Variants in ABCA13 observed in about 807,000 individuals in gnomAD.
ABCA13 encodes the protein ATP-binding cassette sub-family A member 13.
ABCA13 carries 476 observed loss-of-function variants against 478.7 expected under a neutral mutation model. That is an observed-to-expected ratio of 0.99 (90% CI 0.92 to 1.07). The LOEUF is 1.07. Ranked by LOEUF, ABCA13 falls within the 50% of genes least tolerant of loss-of-function variation. ABCA13 has a pLI of 0.00. For missense variants in ABCA13, 6,060 were observed against 5,910.6 expected, an observed-to-expected ratio of 1.03 and a Z score of -0.83; for synonymous variants, 2,252 against 2,158.9, an observed-to-expected ratio of 1.04 and a Z score of -1.20.
chr7:48,187,843 T>G (rs1275932248), intron 1 of ABCA13, among the ~76,000 whole-genome samples: 1 of 152,200 alleles, frequency 6.6e-6, no homozygotes, highest in Non-Finnish European at 1.5e-5. Flanking sequence ...AAGAAATTCT[T>G]CATTTTATTT....
intron 2 of ABCA13, among the ~76,000 whole-genome samples, chr7:48,197,773 T>C (rs1798135302): frequency 6.6e-6 from 1 of 152,224 alleles, no homozygotes; most frequent in Non-Finnish European, 1.5e-5. Context: ...TTATACAATA[T>C]TTAACAACTA....
intron 3 of ABCA13, among the ~76,000 whole-genome samples, chr7:48,218,501 A>G (rs1013508451): frequency 6.6e-6 from 1 of 152,212 alleles, no homozygotes; most frequent in African/African-American, 2.4e-5. Context: ...TGGGCGATAT[A>G]GCAAGATCCT....
rs1563482109 is a variant in ABCA13 at position 48,594,698 on chromosome 7, C to T, written c.14641-12C>T. On this transcript the variant is annotated splice_polypyrimidine_tract_variant and intron_variant, in intron 57 of 61. Coordinates refer to ENST00000435803, the MANE Select transcript of ABCA13 (RefSeq NM_152701.5). ...TTCAAATGCTGATTACTCTGTGTTG[C>T]CTTTCCTTCAGGATGAGCCCAGCTC... 2 of 1,610,924 alleles carry T rather than the reference C, an allele frequency of 1.2e-6. No individual in the cohort carries two copies. The highest frequency in any genetic ancestry group is 2.2e-5 in the East Asian group (1 of 44,850).
At chr7:48,508,713 T>G (rs12667982) in intron 50 of ABCA13, among the ~76,000 whole-genome samples, 6 of 152,058 alleles carry the variant, frequency 3.9e-5, no homozygotes, top group African/African-American at 1.4e-4. Context: ...ATATGATTCA[T>G]CTTGTGATAC....
chr7:48,204,630 G>A (rs1019734293), intron 3 of ABCA13, among the ~76,000 whole-genome samples: 4 of 152,190 alleles, frequency 2.6e-5, no homozygotes, highest in African/African-American at 9.7e-5. Flanking sequence ...CCTCCACAAT[G>A]ATGAGTACTC....
At chr7:48,396,313 A>G (rs559932162) in intron 38 of ABCA13, among the ~76,000 whole-genome samples, 34 of 152,346 alleles carry the variant, frequency 2.2e-4, no homozygotes, top group African/African-American at 7.5e-4. Flanking sequence ...TCACCTCTGC[A>G]ATGGCTACCT....
intron 42 of ABCA13, among the ~76,000 whole-genome samples, chr7:48,447,049 T>C (rs1018344963): frequency 1.3e-5 from 2 of 152,198 alleles, no homozygotes; most frequent in African/African-American, 4.8e-5. Flanking sequence ...TCAGAGCTAC[T>C]AAATAAACCT....
chr7:48,417,472 A>G (rs1362381838), intron 41 of ABCA13, among the ~76,000 whole-genome samples: 4 of 152,214 alleles, frequency 2.6e-5, no homozygotes. Context: ...GTCGGGGACA[A>G]TCTGGACAAA....
At chr7:48,370,928 T>C (rs1463471783) in intron 32 of ABCA13, among the ~76,000 whole-genome samples, 1 of 152,140 alleles carries the variant, frequency 6.6e-6, no homozygotes, top group Admixed American at 6.6e-5. Flanking sequence ...CATTTAAGTC[T>C]TTACTCCATC....
chr7:48,305,207 A>G (rs756045296), intron 23 of ABCA13, among the ~76,000 whole-genome samples: 1 of 152,224 alleles, frequency 6.6e-6, no homozygotes, highest in Non-Finnish European at 1.5e-5. Flanking sequence ...TTGTATAGAC[A>G]AAGAAACTGA....
At chr7:48,497,742 C>T (rs964840499) in intron 48 of ABCA13, among the ~76,000 whole-genome samples, 11 of 148,166 alleles carry the variant, frequency 7.4e-5, no homozygotes, top group African/African-American at 2.8e-4. Flanking sequence ...CATGCTGTCT[C>T]ATTGTCTCTA....
intron 23 of ABCA13, among the ~76,000 whole-genome samples, chr7:48,308,345 C>T (rs1801219771): frequency 6.6e-6 from 1 of 152,050 alleles, no homozygotes; most frequent in Non-Finnish European, 1.5e-5. Context: ...GGCTGTTTTA[C>T]AGTTAAATTT....
At chr7:48,333,475 A>G (rs1346124612) in intron 27 of ABCA13, among the ~76,000 whole-genome samples, 1 of 151,894 alleles carries the variant, frequency 6.6e-6, no homozygotes, top group Non-Finnish European at 1.5e-5. Context: ...TCTTAATTCT[A>G]GTTGTCTTTT....
intron 4 of ABCA13, among the ~76,000 whole-genome samples, chr7:48,220,158 G>A (rs963378600): frequency 6.6e-6 from 1 of 152,026 alleles, no homozygotes; most frequent in Non-Finnish European, 1.5e-5. Context: ...AAGTTAGGAT[G>A]GATAAAGATC....
At position 48,333,048 on chromosome 7, in the gene ABCA13, C is replaced by T. The variant is rs568618006; in HGVS notation, c.10000-2374C>T. Among the ~76,000 whole-genome samples the T allele has an allele frequency of 2.8e-4, 43 of 152,292 alleles. 2 individuals carry two copies. Among genetic ancestry groups the T allele is most frequent in the African/African-American group, 9.4e-4 (39 of 41,556 alleles). On this transcript the variant is annotated intron_variant, in intron 27 of 61. Coordinates refer to ENST00000435803, the MANE Select transcript of ABCA13 (RefSeq NM_152701.5). Reference sequence around the variant, plus strand: ...CTCTTTCAGTTCCACTCAGTTTCTCCTCTCTTTCAGAGACTCTAATGACAC... The same window carrying T: ...CTCTTTCAGTTCCACTCAGTTTCTCTTCTCTTTCAGAGACTCTAATGACAC...
intron 15 of ABCA13, among the ~76,000 whole-genome samples, chr7:48,251,106 A>G (rs1357975453): frequency 6.6e-6 from 1 of 152,218 alleles, no homozygotes; most frequent in African/African-American, 2.4e-5. Context: ...AGATTACACT[A>G]TAAAACTCTT....
intron 41 of ABCA13, among the ~76,000 whole-genome samples, chr7:48,419,581 T>C (rs567039405): frequency 1.3e-5 from 2 of 152,170 alleles, no homozygotes; most frequent in Non-Finnish European, 2.9e-5. Context: ...CCAGGATTCA[T>C]GTTCTTGCTG....
chr7:48,471,398 G>C lies in ABCA13; in HGVS notation c.12906-132G>C, dbSNP rs1459212453. 3 of 765,356 alleles carry C rather than the reference G, an allele frequency of 3.9e-6. No homozygotes were observed. In the African/African-American group the frequency reaches 5.3e-5, roughly 14 times the overall value. 47.4% of individuals were successfully genotyped at this position (765,356 alleles called of 1,614,324 possible). A position where few individuals can be genotyped will look rare whatever the true frequency, so the allele number is the denominator to read the frequency against. ...TCAAGCTGTGAAAACAAATGTAAGAGCTCTGCCTTCTCGGCAGTGGGAGAT... is the reference window on the plus strand; with the variant it reads ...TCAAGCTGTGAAAACAAATGTAAGACCTCTGCCTTCTCGGCAGTGGGAGAT... On this transcript the variant is annotated intron_variant, in intron 44 of 61. Coordinates refer to ENST00000435803, the MANE Select transcript of ABCA13 (RefSeq NM_152701.5).
chr7:48,313,575 CA>C (rs1802091673), intron 25 of ABCA13, among the ~76,000 whole-genome samples: 1 of 152,180 alleles, frequency 6.6e-6, no homozygotes, highest in Admixed American at 6.5e-5. Context: ...AAATTGCTTT[CA>C]AAAACCTTAA....
Sources: allele counts gnomAD v4.1 joint callset (sites outside exome capture counted in the v4.1 genomes callset), GRCh38; gene constraint gnomAD v4.1.1; transcripts MANE v1.5; gene names NCBI Gene and HGNC (gene_info 2026-07-23, HGNC 2026-07-21).